STIP1: variants seen among roughly 807,000 people sequenced by gnomAD.
STIP1 encodes stress induced phosphoprotein 1.
A neutral mutation model predicts 77.4 loss-of-function variants in STIP1; 16 were observed. That is an observed-to-expected ratio of 0.21 (90% CI 0.14 to 0.31). The LOEUF (loss-of-function observed/expected upper bound fraction) is 0.31, where lower values mean the gene tolerates loss of function less well. Ranked by LOEUF, STIP1 falls within the 10% of genes least tolerant of loss-of-function variation. The probability of loss-of-function intolerance (pLI) is 1.00; values close to 1 mark genes in which losing one functional copy is unlikely to be tolerated. For missense variants in STIP1, 524 were observed against 684.8 expected, an observed-to-expected ratio of 0.77 and a Z score of 2.62; for synonymous variants, 258 against 246.6, an observed-to-expected ratio of 1.05 and a Z score of -0.44.
At chr11:64,185,593 C>G, upstream of STIP1, 1 of 579,560 alleles carries the variant, frequency 1.7e-6, no homozygotes, top group South Asian at 2.1e-5. Flanking sequence ...CGCTGGCGAT[C>G]CCGGGGACCG....
chr11:64,198,447 A>G (rs1369079367), intron 8 of STIP1, among the ~76,000 whole-genome samples: 2 of 151,934 alleles, frequency 1.3e-5, no homozygotes, highest in African/African-American at 2.4e-5. Flanking sequence ...TCCTGACCTC[A>G]TGATCCACCC....
Position 64,197,959 on chromosome 11 carries a change from C to G in STIP1, c.1008C>G (p.Leu336=), listed in dbSNP as rs1034022641. 1.2e-6 allele frequency: 2 copies of G among 1,612,968 alleles called. No homozygotes were observed. The highest frequency in any genetic ancestry group is 2.7e-5 in the African/African-American group (2 of 74,836). Residue 336 remains leucine, a synonymous_variant, in exon 8 of 14, where the codon CTC becomes CTG. Coordinates refer to ENST00000305218, the MANE Select transcript of STIP1 (RefSeq NM_006819.3). ...CAGAGCACCGAACCCCAGATGTGCTCAAGAAATGCCAGCAGGTGCGTAGGA... is the reference window on the plus strand; with the variant it reads ...CAGAGCACCGAACCCCAGATGTGCTGAAGAAATGCCAGCAGGTGCGTAGGA... ...SLAEHRTPDV[L]KKCQQAEKIL... is the part of the protein sequence containing the mutation.
At chr11:64,202,689 C>G in intron 10 of STIP1, 187 bp from the exon 11 acceptor site, 1 of 637,610 alleles carries the variant, frequency 1.6e-6, no homozygotes, top group South Asian at 1.9e-5. Flanking sequence ...TAACATCAGC[C>G]TCTTGCAGAG....
upstream of STIP1, chr11:64,186,113 C>G: frequency 3.2e-6 from 5 of 1,550,604 alleles, no homozygotes; most frequent in Non-Finnish European, 4.4e-6. Context: ...CAGACATTCC[C>G]CCTAGAAGAA....
intron 1 of STIP1, among the ~76,000 whole-genome samples, chr11:64,186,711 G>C (rs1946024060): frequency 6.6e-6 from 1 of 152,244 alleles, no homozygotes; most frequent in African/African-American, 2.4e-5. Flanking sequence ...GAAACCGCTC[G>C]GGACTTAGCC....
intron 1 of STIP1, 116 bp from the exon 2 acceptor site, chr11:64,192,962 A>T: frequency 1.0e-6 from 1 of 973,030 alleles, no homozygotes; most frequent in East Asian, 2.6e-5. Flanking sequence ...CTCTCTTCTG[A>T]TCTGTAAAGT....
At position 64,196,976 on chromosome 11, in the gene STIP1, G is replaced by T. The variant is rs1209696528; in HGVS notation, c.673-295G>T. On this transcript the variant is annotated intron_variant, in intron 5 of 13. Coordinates refer to ENST00000305218, the MANE Select transcript of STIP1 (RefSeq NM_006819.3). ...GGTCCAAAACTCTGCTGTCCTCACCGGTTGCTTCAAGTCGAAGGGATTTCC... is the reference window on the plus strand; with the variant it reads ...GGTCCAAAACTCTGCTGTCCTCACCTGTTGCTTCAAGTCGAAGGGATTTCC... 2.0e-5 allele frequency: 7 copies of T among 349,898 alleles called. No homozygotes were observed. In the East Asian group the frequency reaches 4.3e-4, roughly 22 times the overall value. The allele number at this position is 349,898 out of a possible 1,614,324, so 21.7% of individuals were successfully genotyped here.
chr11:64,192,939 A>T (rs1442352683), intron 1 of STIP1, 139 bp from the exon 2 acceptor site: 2 of 832,914 alleles, frequency 2.4e-6, no homozygotes, highest in Non-Finnish European at 3.7e-6. Context: ...AATTAAATAA[A>T]TGAACCGGTT....
chr11:64,197,204 GATC>G, intron 5 of STIP1, 64 bp from the exon 6 acceptor site: 1 of 1,597,650 alleles, frequency 6.3e-7, no homozygotes, highest in Admixed American at 1.8e-5. Context: ...ACTTGTGACA[GATC>G]ATAGATTCTT....
chr11:64,197,101 C>G lies in STIP1; in HGVS notation c.673-170C>G, dbSNP rs534936722. On this transcript the variant is annotated intron_variant, in intron 5 of 13. Coordinates refer to ENST00000305218, the MANE Select transcript of STIP1 (RefSeq NM_006819.3). ...AGCAAAGATGAAGTTAGTTTTCATTCTAACGGCTGATACTTTATTGTCTAT... is the reference window on the plus strand; with the variant it reads ...AGCAAAGATGAAGTTAGTTTTCATTGTAACGGCTGATACTTTATTGTCTAT... 362 of 824,708 alleles carry G rather than the reference C, an allele frequency of 4.4e-4. 5 individuals carry two copies. In the South Asian group the frequency reaches 6.6e-3, roughly 15 times the overall value. 51.1% of individuals were successfully genotyped at this position (824,708 alleles called of 1,614,324 possible).
In STIP1 at chr11:64,194,569, C is replaced by T. The variant is rs1468618202; in HGVS notation, c.452C>T (p.Thr151Ile). 1 of 1,614,188 alleles carries T rather than the reference C, an allele frequency of 6.2e-7. No homozygotes were observed. Among genetic ancestry groups the T allele is most frequent in the Non-Finnish European group, 8.5e-7 (1 of 1,180,024 alleles). ...ACAAGGACACTACTCAGTGATCCTA[C>T]CTACCGGGAGCTGATAGAGCAGCTA... ...PRTRTLLSDP[T>I]YRELIEQLRN... Residue 151 changes from threonine to isoleucine, a missense_variant, in exon 4 of 14, where the codon ACC (threonine) becomes ATC (isoleucine). Physicochemically the swap from Thr to Ile is moderately conservative, Grantham distance 89 (BLOSUM62 -1). Coordinates refer to ENST00000305218, the MANE Select transcript of STIP1 (RefSeq NM_006819.3).
intron 10 of STIP1, 118 bp downstream of exon 10, chr11:64,200,411 C>T (rs1946204660): frequency 1.4e-6 from 2 of 1,465,774 alleles, no homozygotes; most frequent in Non-Finnish European, 1.8e-6. Context: ...GACAGTGTCT[C>T]ACTCTGTCCT....
At chr11:64,197,103 A>G in intron 5 of STIP1, 168 bp from the exon 6 acceptor site, 1 of 832,352 alleles carries the variant, frequency 1.2e-6, no homozygotes. Flanking sequence ...TTTTCATTCT[A>G]ACGGCTGATA....
chr11:64,198,180 T>G (rs1413218127), intron 8 of STIP1, among the ~76,000 whole-genome samples: 1 of 151,860 alleles, frequency 6.6e-6, no homozygotes, highest in African/African-American at 2.4e-5. Context: ...CACCTCAGCC[T>G]GAGTAGCTAG....
At chr11:64,196,210 ACATGGTGAAACCT>A (rs1286951609) in intron 5 of STIP1, among the ~76,000 whole-genome samples, 1 of 151,804 alleles carries the variant, frequency 6.6e-6, no homozygotes, top group East Asian at 1.9e-4. Context: ...AGTCTGGCCA[ACATGGTGAAACCT>A]CATCTTCACT....
intron 1 of STIP1, 98 bp from the exon 2 acceptor site, chr11:64,192,976 CTATT>C (rs1481513581): frequency 4.6e-6 from 5 of 1,091,116 alleles, no homozygotes; most frequent in East Asian, 2.6e-5. Context: ...GTAAAGTCAC[CTATT>C]TATTTGTTGG....
intron 1 of STIP1, among the ~76,000 whole-genome samples, chr11:64,186,859 C>CG (rs1006687850): frequency 6.6e-6 from 1 of 152,038 alleles, no homozygotes; most frequent in African/African-American, 2.4e-5. Context: ...GAGCGTTGAG[C>CG]GGGGGTCTGA....
At position 64,197,106 on chromosome 11, in the gene STIP1, G is replaced by A. The variant is rs145475448; in HGVS notation, c.673-165G>A. Reference sequence around the variant, plus strand: ...AGATGAAGTTAGTTTTCATTCTAACGGCTGATACTTTATTGTCTATAGCTG... The same window carrying A: ...AGATGAAGTTAGTTTTCATTCTAACAGCTGATACTTTATTGTCTATAGCTG... On this transcript the variant is annotated intron_variant, in intron 5 of 13. Coordinates refer to ENST00000305218, the MANE Select transcript of STIP1 (RefSeq NM_006819.3). 2.4e-5 allele frequency: 20 copies of A among 844,886 alleles called. No individual in the cohort carries two copies. In the East Asian group the frequency reaches 3.8e-4, roughly 16 times the overall value. The allele number at this position is 844,886 out of a possible 1,614,324, so 52.3% of individuals were successfully genotyped here.
intron 10 of STIP1, among the ~76,000 whole-genome samples, chr11:64,200,590 C>CGTGTGTGTGT (rs35484605): frequency 1.9e-4 from 27 of 141,296 alleles, no homozygotes; most frequent in African/African-American, 5.4e-4. Flanking sequence ...TCTAACTGGT[C>CGTGTGTGTGT]GTGTGTGTGT....
Sources: allele counts gnomAD v4.1 joint callset (sites outside exome capture counted in the v4.1 genomes callset), GRCh38; gene constraint gnomAD v4.1.1; transcripts MANE v1.5; gene names NCBI Gene and HGNC (gene_info 2026-07-23, HGNC 2026-07-21).